The following SCHIP1 variants were observed in gnomAD, a reference collection of about 807,000 sequenced individuals.
The protein encoded by SCHIP1 is schwannomin-interacting protein 1.
In SCHIP1, 8 loss-of-function variants were observed where a neutral mutation model predicts 29.7. That is an observed-to-expected ratio of 0.27 (90% CI 0.16 to 0.49). The LOEUF (loss-of-function observed/expected upper bound fraction) is 0.49. Ranked by LOEUF, SCHIP1 falls within the 20% of genes least tolerant of loss-of-function variation. The probability of loss-of-function intolerance (pLI) is 0.99; values close to 1 mark genes in which losing one functional copy is unlikely to be tolerated. For synonymous variants in SCHIP1, 76 were observed against 94.9 expected, an observed-to-expected ratio of 0.80 and a Z score of 1.16; for missense variants, 193 against 294.6, an observed-to-expected ratio of 0.66 and a Z score of 2.52.
the SCHIP1 span, among the ~76,000 whole-genome samples, chr3:159,425,368 C>T: frequency 6.7e-6 from 1 of 148,988 alleles, no homozygotes. Context: ...AAATGGAAAA[C>T]AAAAAAAGGC....
chr3:159,786,666 CGTGTGTGTGTGTGT>C, the SCHIP1 span, among the ~76,000 whole-genome samples: 6 of 124,894 alleles, frequency 4.8e-5, no homozygotes, highest in South Asian at 6.9e-4. Context: ...TGAGTCAAAG[CGTGTGTGTGTGTGT>C]GTGTGTGTGT....
chr3:159,336,703 A>G, the SCHIP1 span, among the ~76,000 whole-genome samples: 3 of 152,096 alleles, frequency 2.0e-5, no homozygotes, highest in African/African-American at 7.2e-5. Context: ...ATTGGTCTAT[A>G]TCTCTGTTTT....
the SCHIP1 span, among the ~76,000 whole-genome samples, chr3:159,556,879 G>A: frequency 6.7e-6 from 1 of 149,564 alleles, no homozygotes. Flanking sequence ...TAACAAACCT[G>A]CACATTGTGC....
At chr3:159,630,193 C>A in the SCHIP1 span, among the ~76,000 whole-genome samples, 1 of 152,214 alleles carries the variant, frequency 6.6e-6, no homozygotes, top group Non-Finnish European at 1.5e-5. Context: ...ATCTTGATCA[C>A]TGACCTTCAG....
the SCHIP1 span, among the ~76,000 whole-genome samples, chr3:159,565,375 C>T: frequency 6.6e-6 from 1 of 152,202 alleles, no homozygotes; most frequent in Non-Finnish European, 1.5e-5. Context: ...GCCCCATTTT[C>T]CACCTTCCTT....
chr3:159,615,988 A>T, the SCHIP1 span, among the ~76,000 whole-genome samples: 2 of 152,110 alleles, frequency 1.3e-5, no homozygotes. Flanking sequence ...GGCTCCAGAG[A>T]GTCTATCTGA....
At chr3:159,402,619 A>G in the SCHIP1 span, among the ~76,000 whole-genome samples, 3 of 152,204 alleles carry the variant, frequency 2.0e-5, no homozygotes, top group Non-Finnish European at 4.4e-5. Context: ...TGATGAGTTC[A>G]TGTCCTTTGT....
chr3:159,882,855 C>T (rs1716580279), intron 2 of SCHIP1, among the ~76,000 whole-genome samples: 1 of 152,198 alleles, frequency 6.6e-6, no homozygotes, highest in African/African-American at 2.4e-5. Context: ...GACGTGGTTG[C>T]TGTGCAGCCT....
the SCHIP1 span, among the ~76,000 whole-genome samples, chr3:159,816,303 G>T: frequency 2.0e-5 from 3 of 151,764 alleles, no homozygotes; most frequent in Non-Finnish European, 4.4e-5. Context: ...GATGGATCTT[G>T]CCCTGACACC....
chr3:159,782,604 C>T, the SCHIP1 span, among the ~76,000 whole-genome samples: 1 of 150,154 alleles, frequency 6.7e-6, no homozygotes, highest in East Asian at 1.9e-4. Flanking sequence ...AATGTTCCCA[C>T]CACCACTCTG....
chr3:159,542,140 A>C, the SCHIP1 span, among the ~76,000 whole-genome samples: 1 of 152,126 alleles, frequency 6.6e-6, no homozygotes, highest in Non-Finnish European at 1.5e-5. Flanking sequence ...GAAGCTCCAA[A>C]CACAGCAATG....
At chr3:159,785,469 T>G in the SCHIP1 span, among the ~76,000 whole-genome samples, 1 of 152,136 alleles carries the variant, frequency 6.6e-6, no homozygotes, top group Non-Finnish European at 1.5e-5. Context: ...AGTGATTAAA[T>G]ATTGACTAAG....
chr3:159,631,465 T>C, the SCHIP1 span, among the ~76,000 whole-genome samples: 1 of 152,042 alleles, frequency 6.6e-6, no homozygotes. Context: ...ACAAAGTAAA[T>C]ACATACAATA....
the SCHIP1 span, among the ~76,000 whole-genome samples, chr3:159,540,146 C>T: frequency 1.3e-5 from 2 of 152,012 alleles, no homozygotes; most frequent in Non-Finnish European, 2.9e-5. Flanking sequence ...ATCTCCTTGA[C>T]CATCCCGTTG....
the SCHIP1 span, among the ~76,000 whole-genome samples, chr3:159,339,557 T>G: frequency 6.6e-6 from 1 of 152,152 alleles, no homozygotes; most frequent in African/African-American, 2.4e-5. Context: ...AACATGAAAC[T>G]GCATTTCAGG....
At chr3:159,546,172 A>G in the SCHIP1 span, among the ~76,000 whole-genome samples, 2 of 152,120 alleles carry the variant, frequency 1.3e-5, no homozygotes, top group African/African-American at 4.8e-5. Flanking sequence ...TTATCTGTGA[A>G]TAATCATAGT....
the SCHIP1 span, among the ~76,000 whole-genome samples, chr3:159,572,834 T>G: frequency 6.6e-6 from 1 of 152,222 alleles, no homozygotes; most frequent in African/African-American, 2.4e-5. Context: ...TTAGCTCTTC[T>G]TGTTGAATTG....
the SCHIP1 span, among the ~76,000 whole-genome samples, chr3:159,723,133 A>T: frequency 5.3e-5 from 8 of 152,170 alleles, no homozygotes; most frequent in Non-Finnish European, 1.2e-4. Context: ...TTTGAGATCC[A>T]CTTTGTTTCT....
At chr3:159,678,714 A>C in the SCHIP1 span, among the ~76,000 whole-genome samples, 1 of 152,226 alleles carries the variant, frequency 6.6e-6, no homozygotes. Flanking sequence ...CTGCCTGAGT[A>C]ATTTATAAAG....
Sources: gnomAD v4.1 joint callset for allele counts (sites outside exome capture counted in the v4.1 genomes callset) on GRCh38, gnomAD v4.1.1 for gene constraint, MANE v1.5 for transcripts, NCBI Gene and HGNC (gene_info 2026-07-23, HGNC 2026-07-21) for gene names.